MAPKAP1: variants seen among roughly 807,000 people sequenced by gnomAD.
The protein encoded by MAPKAP1 is MAPK associated protein 1, also known as target of rapamycin complex 2 subunit MAPKAP1.
In MAPKAP1, 20 loss-of-function variants were observed where a neutral mutation model predicts 65.7. The ratio of observed to expected loss-of-function variants is 0.30; its 90% CI spans 0.21 to 0.44. The LOEUF (loss-of-function observed/expected upper bound fraction) is 0.44, where lower values mean the gene tolerates loss of function less well. Ranked by LOEUF, MAPKAP1 falls within the 20% of genes least tolerant of loss-of-function variation. The pLI, the probability that MAPKAP1 is intolerant of heterozygous loss-of-function variation, is 1.00. For synonymous variants in MAPKAP1, 222 were observed against 244.3 expected, an observed-to-expected ratio of 0.91 and a Z score of 0.85; for missense variants, 423 against 648.0, an observed-to-expected ratio of 0.65 and a Z score of 3.77.
chr9:125,539,029 C>T (rs1830161581), intron 7 of MAPKAP1, among the ~76,000 whole-genome samples: 1 of 152,130 alleles, frequency 6.6e-6, no homozygotes, highest in Non-Finnish European at 1.5e-5. Flanking sequence ...TGAGAAGCCC[C>T]GTACACTATC....
At chr9:125,682,939 A>C (rs1834865607) in intron 1 of MAPKAP1, among the ~76,000 whole-genome samples, 1 of 151,272 alleles carries the variant, frequency 6.6e-6, no homozygotes, top group African/African-American at 2.4e-5. Flanking sequence ...GGGTGGACCC[A>C]GTAGATAGAA....
chr9:125,633,104 C>T (rs146910016), intron 4 of MAPKAP1, among the ~76,000 whole-genome samples: 23 of 152,250 alleles, frequency 1.5e-4, no homozygotes, highest in African/African-American at 5.5e-4. Flanking sequence ...AATGCAAGAC[C>T]GCTCAATCCC....
At chr9:125,601,541 C>G (rs1420986959) in intron 4 of MAPKAP1, among the ~76,000 whole-genome samples, 1 of 152,102 alleles carries the variant, frequency 6.6e-6, no homozygotes, top group Admixed American at 6.5e-5. Flanking sequence ...TTTAGAAAGT[C>G]ATAAAAATCT....
At chr9:125,688,399 A>G (rs1835054309) in intron 1 of MAPKAP1, among the ~76,000 whole-genome samples, 1 of 152,100 alleles carries the variant, frequency 6.6e-6, no homozygotes, top group Non-Finnish European at 1.5e-5. Context: ...CGGCCTCCCA[A>G]AGTACGGGGG....
intron 1 of MAPKAP1, among the ~76,000 whole-genome samples, chr9:125,680,115 C>T (rs1834777815): frequency 6.7e-6 from 1 of 149,768 alleles, no homozygotes; most frequent in South Asian, 2.1e-4. Flanking sequence ...AACCTTTCCA[C>T]ACTGTACCCC....
chr9:125,685,768 A>G (rs1156586375), intron 1 of MAPKAP1, among the ~76,000 whole-genome samples: 1 of 152,198 alleles, frequency 6.6e-6, no homozygotes, highest in Non-Finnish European at 1.5e-5. Context: ...GTATATGTGG[A>G]TGGCATTCAA....
At chr9:125,559,837 A>G (rs2131504382) in intron 5 of MAPKAP1, 28 bp from the exon 6 acceptor site, 1 of 1,596,122 alleles carries the variant, frequency 6.3e-7, no homozygotes, top group South Asian at 1.1e-5. Context: ...AAGGCGAGTG[A>G]ATACCAAGGT....
At chr9:125,472,792 A>T (rs1853968701) in intron 9 of MAPKAP1, among the ~76,000 whole-genome samples, 1 of 152,234 alleles carries the variant, frequency 6.6e-6, no homozygotes, top group South Asian at 2.1e-4. Context: ...AACCATTTAT[A>T]AAAAAAGATG....
intron 5 of MAPKAP1, among the ~76,000 whole-genome samples, chr9:125,571,923 A>C (rs1831245847): frequency 6.6e-6 from 1 of 152,284 alleles, no homozygotes; most frequent in South Asian, 2.1e-4. Context: ...AGAGTCAAGG[A>C]AACTTTTCAT....
chr9:125,565,741 C>CAAAAAAAA (rs71374275), intron 5 of MAPKAP1: 5 of 149,104 alleles, frequency 3.4e-5, no homozygotes, highest in South Asian at 5.3e-5. Flanking sequence ...TTCTCTCCTG[C>CAAAAAAAA]AAAAAAAAAA....
rs1283371750 is a variant in MAPKAP1, at chr9:125,690,306, AAAAC to A, written c.-70+16661_-70+16664del. On this transcript the variant is annotated intron_variant, in intron 1 of 11. Transcript: ENST00000265960. ...AACTTCAGAAGTTTCAGAAATGCTT[AAAAC>A]AAAAACATCAGGCCATGTGTGAGTT... Among the ~76,000 whole-genome samples the A allele has an allele frequency of 9.8e-5, 15 of 152,378 alleles. No homozygotes were observed. In the East Asian group the frequency reaches 2.9e-3, roughly 29 times the overall value.
At chr9:125,541,861 T>A (rs914780025) in intron 7 of MAPKAP1, among the ~76,000 whole-genome samples, 1 of 152,260 alleles carries the variant, frequency 6.6e-6, no homozygotes, top group African/African-American at 2.4e-5. Flanking sequence ...ATCATTTAAT[T>A]CTATCTCTGC....
At chr9:125,607,665 T>C (rs533705284) in intron 4 of MAPKAP1, among the ~76,000 whole-genome samples, 27 of 152,218 alleles carry the variant, frequency 1.8e-4, no homozygotes, top group African/African-American at 6.3e-4. Flanking sequence ...TTATTTATTA[T>C]ATATTTTTTG....
intron 9 of MAPKAP1, among the ~76,000 whole-genome samples, chr9:125,470,263 A>G (rs1408192558): frequency 6.6e-6 from 1 of 152,242 alleles, no homozygotes; most frequent in African/African-American, 2.4e-5. Flanking sequence ...TGATAGAACA[A>G]TAGTGGAATA....
chr9:125,484,700 A>T (rs1854435884), intron 8 of MAPKAP1, 117 bp from the exon 9 acceptor site: 2 of 999,312 alleles, frequency 2.0e-6, no homozygotes, highest in East Asian at 5.6e-5. Flanking sequence ...TGGAGAAGAA[A>T]AGGCTGAGCG....
chr9:125,584,188 T>A (rs10986811), intron 5 of MAPKAP1, among the ~76,000 whole-genome samples: 130,657 of 152,134 alleles, frequency 0.86, 58,022 homozygotes, highest in East Asian at 1. Context: ...ACCCTTGAGG[T>A]GTGCCGCTGA....
chr9:125,513,034 AC>A (rs1000517285), intron 7 of MAPKAP1: 2 of 152,188 alleles, frequency 1.3e-5, no homozygotes, highest in Non-Finnish European at 2.9e-5. Flanking sequence ...TCCTTAGGCA[AC>A]CTGGTGGTTA....
intron 4 of MAPKAP1, among the ~76,000 whole-genome samples, chr9:125,633,466 G>A (rs914707515): frequency 2.6e-5 from 4 of 152,188 alleles, no homozygotes. Context: ...AGCTGAGACA[G>A]AAAGTAATCC....
chr9:125,640,007 T>C (rs1389539219), intron 4 of MAPKAP1, among the ~76,000 whole-genome samples: 1 of 152,234 alleles, frequency 6.6e-6, no homozygotes, highest in East Asian at 1.9e-4. Flanking sequence ...CCTTCAAAGC[T>C]GGACATAGTA....
Sources: gnomAD v4.1 joint callset for allele counts (sites outside exome capture counted in the v4.1 genomes callset) on GRCh38, gnomAD v4.1.1 for gene constraint, MANE v1.5 for transcripts, NCBI Gene and HGNC (gene_info 2026-07-23, HGNC 2026-07-21) for gene names.